The following LDB2 variants were observed in gnomAD, a reference collection of about 807,000 sequenced individuals.
LDB2 encodes LIM domain-binding protein 2.
In LDB2, 12 loss-of-function variants were observed where a neutral mutation model predicts 44.3. The observed-to-expected ratio is 0.27, with a 90% CI of 0.17 to 0.44. LDB2 has a LOEUF of 0.44. Ranked by LOEUF, LDB2 falls within the 20% of genes least tolerant of loss-of-function variation. The probability of loss-of-function intolerance (pLI) is 1.00; values close to 1 mark genes in which losing one functional copy is unlikely to be tolerated. For synonymous variants in LDB2, 164 were observed against 174.8 expected, an observed-to-expected ratio of 0.94 and a Z score of 0.49; for missense variants, 344 against 473.5, an observed-to-expected ratio of 0.73 and a Z score of 2.54.
chr4:16,851,161 A>T (rs771598705), intron 1 of LDB2, among the ~76,000 whole-genome samples: 1 of 152,012 alleles, frequency 6.6e-6, no homozygotes, highest in Non-Finnish European at 1.5e-5. Flanking sequence ...GCCAATTTCT[A>T]TGGTGTAAAT....
intron 2 of LDB2, among the ~76,000 whole-genome samples, chr4:16,712,072 T>C (rs1410939475): frequency 6.6e-6 from 1 of 152,046 alleles, no homozygotes; most frequent in African/African-American, 2.4e-5. Flanking sequence ...TTGGACCTCA[T>C]CAAAATTTTA....
chr4:16,863,589 G>A (rs2110282640), intron 1 of LDB2, among the ~76,000 whole-genome samples: 1 of 152,036 alleles, frequency 6.6e-6, no homozygotes, highest in East Asian at 1.9e-4. Flanking sequence ...TTATACAACA[G>A]AGGTGGGTCG....
At chr4:16,780,735 A>C in intron 1 of LDB2, among the ~76,000 whole-genome samples, 1 of 149,894 alleles carries the variant, frequency 6.7e-6, no homozygotes, top group Non-Finnish European at 1.5e-5. Context: ...TTTTTTGTAC[A>C]ACTCAAAAAA....
At chr4:16,819,105 TG>T in intron 1 of LDB2, among the ~76,000 whole-genome samples, 1 of 148,594 alleles carries the variant, frequency 6.7e-6, no homozygotes, top group Admixed American at 6.6e-5. Context: ...TGTGTGTGTG[TG>T]TGTGTGTGTG....
chr4:16,784,440 A>C (rs1773943905), intron 1 of LDB2, among the ~76,000 whole-genome samples: 1 of 152,206 alleles, frequency 6.6e-6, no homozygotes, highest in South Asian at 2.1e-4. Context: ...GGCAATAGGA[A>C]ACACCATCTC....
intron 5 of LDB2, among the ~76,000 whole-genome samples, chr4:16,538,784 A>G (rs1473349292): frequency 1.3e-5 from 2 of 152,158 alleles, no homozygotes; most frequent in African/African-American, 2.4e-5. Context: ...TTGAGCCTCT[A>G]CTATGTGTTT....
chr4:16,533,747 G>A lies in LDB2; in HGVS notation c.616-21643C>T, dbSNP rs958788464. 2.0e-5 allele frequency among the ~76,000 whole-genome samples: 3 copies of A among 152,092 alleles called. No individual in the cohort carries two copies. The highest frequency in any genetic ancestry group is 2.9e-5 in the Non-Finnish European group (2 of 68,032). ...CCCTCCAGTAAAATTCCATTTTGGG[G>A]TTGCATAAAAACAACAATTCCTGGA... On this transcript the variant is annotated intron_variant, in intron 5 of 7. Transcript: ENST00000304523. The surrounding 1 kb of genome is among the most constrained non-coding windows in gnomAD (Gnocchi z 4.1).
intron 1 of LDB2, among the ~76,000 whole-genome samples, chr4:16,893,373 C>G (rs1723970440): frequency 6.6e-6 from 1 of 152,112 alleles, no homozygotes; most frequent in Non-Finnish European, 1.5e-5. Context: ...TCCAAAATAA[C>G]TAATCTCATT....
intron 2 of LDB2, among the ~76,000 whole-genome samples, chr4:16,686,057 A>G (rs915712444): frequency 2.6e-5 from 4 of 152,194 alleles, no homozygotes; most frequent in Non-Finnish European, 4.4e-5. Context: ...GTCTAAAAAA[A>G]AAGGCAAAAG....
intron 5 of LDB2, among the ~76,000 whole-genome samples, chr4:16,512,732 T>C (rs1013295427): frequency 6.6e-6 from 1 of 152,244 alleles, no homozygotes; most frequent in Non-Finnish European, 1.5e-5. Context: ...AAATAACATA[T>C]GTCAACATTC....
chr4:16,705,091 G>T (rs895497255), intron 2 of LDB2, among the ~76,000 whole-genome samples: 1 of 152,030 alleles, frequency 6.6e-6, no homozygotes, highest in African/African-American at 2.4e-5. Context: ...TATTAATTAT[G>T]AAATAATAAT....
At chr4:16,645,615 T>C (rs1440326548) in intron 2 of LDB2, among the ~76,000 whole-genome samples, 1 of 151,436 alleles carries the variant, frequency 6.6e-6, no homozygotes, top group Non-Finnish European at 1.5e-5. Flanking sequence ...AGTAATGTTT[T>C]ACCTACTTAC....
At chr4:16,884,471 C>T (rs1030180460) in intron 1 of LDB2, among the ~76,000 whole-genome samples, 4 of 152,162 alleles carry the variant, frequency 2.6e-5, no homozygotes, top group African/African-American at 7.2e-5. Flanking sequence ...TACACACTAA[C>T]ACATACACCC....
intron 2 of LDB2, chr4:16,674,108 A>T: frequency 1.8e-6 from 1 of 561,328 alleles, no homozygotes; most frequent in Non-Finnish European, 2.9e-6. Context: ...TGGGGAAGGA[A>T]GTTGGAAAGA....
At chr4:16,572,686 T>C (rs968908801) in intron 5 of LDB2, among the ~76,000 whole-genome samples, 2 of 152,210 alleles carry the variant, frequency 1.3e-5, no homozygotes, top group African/African-American at 2.4e-5. Flanking sequence ...CTGTAACTTA[T>C]GGTTATTCAC....
chr4:16,577,213 C>T (rs149963912), intron 5 of LDB2, among the ~76,000 whole-genome samples: 27 of 152,012 alleles, frequency 1.8e-4, no homozygotes, highest in African/African-American at 5.5e-4. Flanking sequence ...CAACATAGTA[C>T]GGGAAGTCCT....
intron 1 of LDB2, among the ~76,000 whole-genome samples, chr4:16,828,117 C>T (rs1783388563): frequency 6.6e-6 from 1 of 152,156 alleles, no homozygotes; most frequent in Non-Finnish European, 1.5e-5. Context: ...CCAATCCTCT[C>T]GTTCTAGAAG....
intron 5 of LDB2, among the ~76,000 whole-genome samples, chr4:16,563,775 C>T (rs866969305): frequency 6.6e-6 from 1 of 151,920 alleles, no homozygotes; most frequent in East Asian, 1.9e-4. Context: ...ATATTCTAAA[C>T]CAGCATAGCA....
chr4:16,684,159 G>C (rs889425147), intron 2 of LDB2, among the ~76,000 whole-genome samples: 46 of 152,250 alleles, frequency 3.0e-4, no homozygotes, highest in African/African-American at 1.1e-3. Flanking sequence ...CTCCTCAACA[G>C]ATACAAACTT....
Sources: allele counts gnomAD v4.1 joint callset (sites outside exome capture counted in the v4.1 genomes callset), GRCh38; gene constraint gnomAD v4.1.1; non-coding constraint Gnocchi (gnomAD v3.1); transcripts MANE v1.5; gene names NCBI Gene and HGNC (gene_info 2026-07-23, HGNC 2026-07-21).